The following SLC36A1 variants were observed in gnomAD, a reference collection of about 807,000 sequenced individuals.
SLC36A1 encodes the protein solute carrier family 36 member 1, also known as proton-coupled amino acid transporter 1.
SLC36A1 carries 30 observed loss-of-function variants against 47.5 expected under a neutral mutation model. The ratio of observed to expected loss-of-function variants is 0.63; its 90% CI spans 0.47 to 0.86. The LOEUF (loss-of-function observed/expected upper bound fraction) is 0.86. SLC36A1 is among the 40% of genes least tolerant of loss of function. The pLI is 0.00. For synonymous variants in SLC36A1, 255 were observed against 249.7 expected, an observed-to-expected ratio of 1.02 and a Z score of -0.20; for missense variants, 517 against 606.0, an observed-to-expected ratio of 0.85 and a Z score of 1.54.
At chr5:151,439,371 C>T (rs1203071336) in intron 1 of SLC36A1, among the ~76,000 whole-genome samples, 1 of 152,098 alleles carries the variant, frequency 6.6e-6, no homozygotes, top group East Asian at 1.9e-4. Flanking sequence ...ATGTGTAAAA[C>T]AGGCTGGACA....
upstream of SLC36A1, among the ~76,000 whole-genome samples, chr5:151,433,457 T>TG: frequency 6.8e-6 from 1 of 146,622 alleles, no homozygotes; most frequent in South Asian, 2.2e-4. Context: ...CTGTTTTTTT[T>TG]TGTGTGTGTT....
chr5:151,537,529 G>A, the SLC36A1 span, among the ~76,000 whole-genome samples: 1 of 152,094 alleles, frequency 6.6e-6, no homozygotes, highest in Non-Finnish European at 1.5e-5. Context: ...AATCCCCTTA[G>A]CATTCTGCAC....
the SLC36A1 span, among the ~76,000 whole-genome samples, chr5:151,403,351 G>A: frequency 6.6e-6 from 1 of 152,150 alleles, no homozygotes; most frequent in East Asian, 1.9e-4. Context: ...TGGTGGGGGT[G>A]ATTAAATCAT....
the SLC36A1 span, among the ~76,000 whole-genome samples, chr5:151,538,636 G>GCATGGACC: frequency 6.6e-6 from 1 of 152,200 alleles, no homozygotes; most frequent in Non-Finnish European, 1.5e-5. Context: ...GTGTGGGCAA[G>GCATGGACC]CATGGACCCC....
the SLC36A1 span, chr5:151,512,710 G>T: frequency 1.8e-6 from 2 of 1,109,142 alleles, no homozygotes; most frequent in Non-Finnish European, 2.6e-6. This position sits in a 1 kb window ranked among gnomAD's most constrained non-coding sequence, Gnocchi z 4.1. Context: ...TTATGGGTAG[G>T]AGGGGGGTGT....
At chr5:151,510,322 ATTGGTGC>A in the SLC36A1 span, 3 of 880,562 alleles carry the variant, frequency 3.4e-6, no homozygotes, top group Non-Finnish European at 5.2e-6. Context: ...CGTGCTGGGC[ATTGGTGC>A]CCTGCTGAAC....
chr5:151,526,091 A>G, the SLC36A1 span: 2 of 902,294 alleles, frequency 2.2e-6, no homozygotes, highest in South Asian at 3.2e-5. Context: ...TGGTGCCTGG[A>G]CATCAAGCTG....
In SLC36A1 at chr5:151,492,240, T is replaced by C. The variant is rs2127556680; in HGVS notation, c.*3986T>C. The C allele has an allele frequency of 6.6e-6, 1 of 152,320 alleles. No homozygotes were observed. The highest frequency in any genetic ancestry group is 1.5e-5 in the Non-Finnish European group (1 of 68,024). The allele number at this position is 152,320 out of a possible 1,614,324, so 9.4% of individuals were successfully genotyped here. ...GACAGTACTGTGTATGTTACGTGCC[T>C]GTGTGGATGTGCACTTCCAGCATGG... On this transcript the variant is annotated 3_prime_UTR_variant, in exon 11 of 11. Transcript: ENST00000243389.
At chr5:151,444,577 C>G (rs1320558945), upstream of SLC36A1, among the ~76,000 whole-genome samples, 1 of 152,170 alleles carries the variant, frequency 6.6e-6, no homozygotes, top group Non-Finnish European at 1.5e-5. Flanking sequence ...CCTCCGCCTC[C>G]CAGGTTCAAA....
At chr5:151,355,843 A>T in the SLC36A1 span, among the ~76,000 whole-genome samples, 2 of 152,322 alleles carry the variant, frequency 1.3e-5, no homozygotes, top group African/African-American at 4.8e-5. Flanking sequence ...GAAAATACAC[A>T]TGCATACACA....
the SLC36A1 span, among the ~76,000 whole-genome samples, chr5:151,357,958 G>GA: frequency 6.6e-6 from 1 of 152,218 alleles, no homozygotes; most frequent in Non-Finnish European, 1.5e-5. Context: ...GACCAGAATA[G>GA]GTTCAGAGAG....
chr5:151,479,257 C>T (rs1419284178), intron 9 of SLC36A1, 63 bp from the exon 10 acceptor site: 1 of 1,557,558 alleles, frequency 6.4e-7, no homozygotes, highest in Non-Finnish European at 8.8e-7. Context: ...CCATTTTGCA[C>T]TCTTGCTGAT....
intron 2 of SLC36A1, among the ~76,000 whole-genome samples, chr5:151,461,853 G>A (rs370046522): frequency 6.6e-6 from 1 of 152,064 alleles, no homozygotes; most frequent in African/African-American, 2.4e-5. Context: ...ATTCTGTGTG[G>A]CAAAATGGGA....
At chr5:151,420,567 C>T in the SLC36A1 span, among the ~76,000 whole-genome samples, 1 of 152,144 alleles carries the variant, frequency 6.6e-6, no homozygotes, top group African/African-American at 2.4e-5. Flanking sequence ...AGCTCATAAT[C>T]CTAAGAGTGC....
At chr5:151,421,837 G>A in the SLC36A1 span, among the ~76,000 whole-genome samples, 1,664 of 151,188 alleles carry the variant, frequency 0.011, 71 homozygotes, top group East Asian at 0.15. Flanking sequence ...TGATCCACCC[G>A]CCTCAGCCTC....
chr5:151,466,293 A>G (rs959959857), intron 5 of SLC36A1, among the ~76,000 whole-genome samples: 4 of 152,224 alleles, frequency 2.6e-5, no homozygotes, highest in African/African-American at 7.2e-5. Context: ...AAAAAGTGAA[A>G]GAAAATTTTG....
At chr5:151,370,228 C>T in the SLC36A1 span, among the ~76,000 whole-genome samples, 2 of 152,230 alleles carry the variant, frequency 1.3e-5, no homozygotes, top group African/African-American at 4.8e-5. Flanking sequence ...AGGCAGACAG[C>T]TTTTCCCCAA....
At chr5:151,443,422 G>A (rs1189684597), upstream of SLC36A1, among the ~76,000 whole-genome samples, 2 of 152,106 alleles carry the variant, frequency 1.3e-5, no homozygotes, top group Non-Finnish European at 2.9e-5. Context: ...GATGATTAAT[G>A]ATGTTGAACA....
upstream of SLC36A1, among the ~76,000 whole-genome samples, chr5:151,434,992 T>C (rs1436819660): frequency 6.6e-6 from 1 of 152,116 alleles, no homozygotes; most frequent in Non-Finnish European, 1.5e-5. Context: ...AGAGGGAATA[T>C]GGTAGAATAA....
Sources: allele counts gnomAD v4.1 joint callset (sites outside exome capture counted in the v4.1 genomes callset), GRCh38; gene constraint gnomAD v4.1.1; non-coding constraint Gnocchi (gnomAD v3.1); transcripts MANE v1.5; gene names NCBI Gene and HGNC (gene_info 2026-07-23, HGNC 2026-07-21).